The following C2CD3 variants were observed in gnomAD, a reference collection of about 807,000 sequenced individuals.
The protein encoded by C2CD3 is C2 domain-containing protein 3.
C2CD3 carries 148 observed loss-of-function variants against 234.0 expected under a neutral mutation model. The ratio of observed to expected loss-of-function variants is 0.63; its 90% CI spans 0.55 to 0.72. The LOEUF (loss-of-function observed/expected upper bound fraction) is 0.72, where lower values mean the gene tolerates loss of function less well. C2CD3 is among the 30% of genes least tolerant of loss of function. The pLI, the probability that C2CD3 is intolerant of heterozygous loss-of-function variation, is 0.00. For missense variants in C2CD3, 2,577 were observed against 2,811.5 expected (o/e 0.92, Z 1.89); for synonymous variants, 1,000 against 1,035.4 (o/e 0.97, Z 0.66).
At chr11:74,075,141 G>A (rs1398070253) in intron 23 of C2CD3, among the ~76,000 whole-genome samples, 1 of 152,066 alleles carries the variant, frequency 6.6e-6, no homozygotes, top group Non-Finnish European at 1.5e-5. Flanking sequence ...TAAGATCTCT[G>A]ATTTAAAGCC....
chr11:74,039,599 G>A (rs1474244761), intron 29 of C2CD3, among the ~76,000 whole-genome samples: 3 of 152,120 alleles, frequency 2.0e-5, no homozygotes, highest in Non-Finnish European at 4.4e-5. Flanking sequence ...TAAATTTTGC[G>A]AACTACTGTC....
chr11:74,113,798 T>C lies in C2CD3; in HGVS notation c.1825A>G (p.Ser609Gly), dbSNP rs1201510064. 4 of 1,608,332 alleles carry C rather than the reference T, an allele frequency of 2.5e-6. No homozygotes were observed. The Admixed American group carries it at 5.0e-5, about 20-fold the overall frequency. The change falls in exon 11 of 33, where the codon AGT becomes GGT. Residue 609 changes from serine (S) to glycine (G), a missense_variant. Ser to Gly is a moderately conservative substitution (Grantham distance 56, BLOSUM62 0). Coordinates refer to ENST00000334126, the MANE Select transcript of C2CD3 (RefSeq NM_001286577.2). The stretch of plus-strand genomic sequence containing the variant: ...CTCTTACTTCCATCTGTAATTTTAC[T>C]GGAGGCGAGTCGAACAACCTCAGTG... ...LITEVVRLAS[S>G]KITDGKVKFQ...
chr11:74,144,351 A>G (rs938750854), intron 3 of C2CD3, among the ~76,000 whole-genome samples: 12 of 152,340 alleles, frequency 7.9e-5, no homozygotes, highest in Admixed American at 1.3e-4. Context: ...TCACCTACCA[A>G]TGAGAGGGTC....
At position 74,013,457 on chromosome 11, in the gene C2CD3, G is replaced by A; in HGVS notation, c.6990C>T (p.Pro2330=). 7.0e-7 allele frequency: 1 copy of A among 1,433,378 alleles called. No homozygotes were observed. The highest frequency in any genetic ancestry group is 9.1e-7 in the Non-Finnish European group (1 of 1,098,080). The allele number at this position is 1,433,378 out of a possible 1,614,324, so 88.8% of individuals were successfully genotyped here. Residue 2330 remains proline (P), a synonymous_variant, in exon 33 of 33, where the codon CCC becomes CCT. Coordinates refer to ENST00000334126, the MANE Select transcript of C2CD3 (RefSeq NM_001286577.2). ...RPCRPRPNSL[P]LNLPEEETLR... ...GAGTTTCTTCCTCAGGCAGGTTGAGGGGGAGCGAGTTAGGTCTGGGGCGAC... is the reference window on the plus strand; with the variant it reads ...GAGTTTCTTCCTCAGGCAGGTTGAGAGGGAGCGAGTTAGGTCTGGGGCGAC...
Position 74,085,827 on chromosome 11 carries a change from G to T in C2CD3, c.3701C>A (p.Ser1234Tyr). The T allele has an allele frequency of 6.2e-7, 1 of 1,614,130 alleles. No individual in the cohort carries two copies. Among genetic ancestry groups the T allele is most frequent in the Non-Finnish European group, 8.5e-7 (1 of 1,180,002 alleles). The change falls in exon 21 of 33, where the codon TCT becomes TAT. Residue 1234 changes from serine to tyrosine, a missense_variant. By Grantham distance (144) the Ser-to-Tyr change is moderately radical. Coordinates refer to ENST00000334126, the MANE Select transcript of C2CD3 (RefSeq NM_001286577.2). ...CAGGAAGGAGAGATGAGTGGTGACA[G>T]AGGCATTGACCCCGACTGTGGCACT... is the stretch of plus-strand genomic sequence containing the variant. ...QFSATVGVNASVTTHLSFLPQ... is the reference protein window; with the variant it reads ...QFSATVGVNAYVTTHLSFLPQ...
At chr11:74,160,387 G>A (rs7951290) in intron 3 of C2CD3, among the ~76,000 whole-genome samples, 43,064 of 151,930 alleles carry the variant, frequency 0.28, 7,109 homozygotes, top group African/African-American at 0.46. Flanking sequence ...ATATATACAC[G>A]ATGGAATACT....
At chr11:74,153,205 C>G (rs1015559235) in intron 3 of C2CD3, among the ~76,000 whole-genome samples, 2 of 140,146 alleles carry the variant, frequency 1.4e-5, no homozygotes, top group African/African-American at 5.3e-5. Context: ...GAGACTCTGT[C>G]TCTTAAAAAC....
In C2CD3 at chr11:74,042,217, T is replaced by C. The variant is rs753009777; in HGVS notation, c.5497A>G (p.Ser1833Gly). The C allele has an allele frequency of 6.4e-7, 1 of 1,564,626 alleles. No individual in the cohort carries two copies. Among genetic ancestry groups the C allele is most frequent in the Non-Finnish European group, 8.6e-7 (1 of 1,165,466 alleles). The change falls in exon 29 of 33, where the codon AGT becomes GGT. Residue 1833 changes from serine (S) to glycine (G), a missense_variant and splice_region_variant. By Grantham distance (56) the Ser-to-Gly change is moderately conservative. Coordinates refer to ENST00000334126, the MANE Select transcript of C2CD3 (RefSeq NM_001286577.2). ...KELDFSSPGR[S>G]DTTRSQASRH... ...GATGCTTGGCTTCTTGTGGTATCAC[T>C]TCTGTCAAAAAAAAAAAAAAAAAAA...
At chr11:74,023,717 T>G (rs1421668574) in intron 32 of C2CD3, among the ~76,000 whole-genome samples, 2 of 152,132 alleles carry the variant, frequency 1.3e-5, no homozygotes, top group East Asian at 3.8e-4. Flanking sequence ...ATGGGATCAT[T>G]GCATTAGCAC....
intron 2 of C2CD3, among the ~76,000 whole-genome samples, chr11:74,162,451 T>C (rs1345837692): frequency 6.6e-6 from 1 of 152,210 alleles, no homozygotes; most frequent in Non-Finnish European, 1.5e-5. Context: ...CATGTGCATG[T>C]ATTTCCTAAT....
At chr11:74,114,624 T>C in intron 9 of C2CD3, 31 bp from the exon 10 acceptor site, 2 of 1,330,354 alleles carry the variant, frequency 1.5e-6, no homozygotes, top group Non-Finnish European at 2.2e-6. Flanking sequence ...CAGTGAGGCA[T>C]ACTGCTACAG....
chr11:74,058,163 C>A (rs1222338275), intron 24 of C2CD3, among the ~76,000 whole-genome samples: 1 of 152,066 alleles, frequency 6.6e-6, no homozygotes, highest in African/African-American at 2.4e-5. Flanking sequence ...GTCAGATGAC[C>A]AAATATTGGC....
At chr11:74,049,312 T>A (rs1459811306) in intron 27 of C2CD3, 25 bp downstream of exon 27, 1 of 1,585,488 alleles carries the variant, frequency 6.3e-7, no homozygotes, top group East Asian at 2.2e-5. Context: ...TCGTATTGGT[T>A]AGGGATGTGA....
At chr11:74,085,005 T>C (rs373723925) in intron 21 of C2CD3, 35 bp from the exon 22 acceptor site, 3 of 1,241,302 alleles carry the variant, frequency 2.4e-6, no homozygotes, top group African/African-American at 3.0e-5. Flanking sequence ...AATTATTTGA[T>C]GGTCTATTCA....
At chr11:74,147,251 C>CA (rs879398115) in intron 3 of C2CD3, among the ~76,000 whole-genome samples, 12 of 151,528 alleles carry the variant, frequency 7.9e-5, no homozygotes, top group African/African-American at 2.2e-4. Context: ...CTTGTCTCTA[C>CA]AAAAAAATAC....
At chr11:74,058,926 T>C (rs969846950) in intron 24 of C2CD3, among the ~76,000 whole-genome samples, 4 of 152,146 alleles carry the variant, frequency 2.6e-5, no homozygotes, top group African/African-American at 7.2e-5. Flanking sequence ...GTGGCTACCA[T>C]ACTGGACACT....
chr11:74,077,799 A>C (rs1218724238), intron 23 of C2CD3, among the ~76,000 whole-genome samples: 1 of 16,986 alleles, frequency 5.9e-5, no homozygotes, highest in Non-Finnish European at 1.4e-4. Flanking sequence ...ATATATATAT[A>C]TATATATATA....
rs762138246 is a variant in C2CD3, at chr11:74,132,901, G to C, written c.1160C>G (p.Thr387Arg). ...AGCTTTTGTGTCATGTCTCCAAAAT[G>C]TATTCTCAGTTGAAGGGAGGAGGTG... is the stretch of plus-strand genomic sequence containing the variant. ...EDHLLPSTEN[T>R]FWRHDTKADT... is the part of the protein sequence containing the mutation. Residue 387 changes from threonine (T) to arginine (R), a missense_variant, in exon 7 of 33, where the codon ACA (threonine) becomes AGA (arginine). Thr to Arg is a moderately conservative substitution (Grantham distance 71). Transcript: ENST00000334126. 38 of 1,613,496 alleles carry C rather than the reference G, an allele frequency of 2.4e-5. No homozygotes were observed. The highest frequency in any genetic ancestry group is 1.6e-4 in the Middle Eastern group (1 of 6,078).
In C2CD3 at chr11:74,137,677, T is replaced by C. The variant is rs1169611281; in HGVS notation, c.955+1043A>G. ...TTGGATCACTGCAACCTCTGCCTCCTGAGTTCAAGCGATTCTCCTGCCTCA... is the reference window on the plus strand; with the variant it reads ...TTGGATCACTGCAACCTCTGCCTCCCGAGTTCAAGCGATTCTCCTGCCTCA... On this transcript the variant is annotated intron_variant, in intron 5 of 32. Coordinates refer to ENST00000334126, the MANE Select transcript of C2CD3 (RefSeq NM_001286577.2). Among the ~76,000 whole-genome samples, 4 of 152,110 alleles carry C rather than the reference T, an allele frequency of 2.6e-5. No individual in the cohort carries two copies. In the East Asian group the frequency reaches 5.8e-4, roughly 22 times the overall value.
Sources: gnomAD v4.1 joint callset for allele counts (sites outside exome capture counted in the v4.1 genomes callset) on GRCh38, gnomAD v4.1.1 for gene constraint, MANE v1.5 for transcripts, NCBI Gene and HGNC (gene_info 2026-07-23, HGNC 2026-07-21) for gene names.